The following PLEKHH2 variants were observed in gnomAD, a reference collection of about 807,000 sequenced individuals.
The protein encoded by PLEKHH2 is pleckstrin homology, MyTH4 and FERM domain containing H2.
PLEKHH2 carries 129 observed loss-of-function variants against 187.9 expected under a neutral mutation model. The ratio of observed to expected loss-of-function variants is 0.69; its 90% CI spans 0.59 to 0.79. The LOEUF (loss-of-function observed/expected upper bound fraction) is 0.79. Ranked by LOEUF, PLEKHH2 falls within the 30% of genes least tolerant of loss-of-function variation. PLEKHH2 has a pLI of 0.00. For missense variants in PLEKHH2, 2,076 were observed against 1,751.2 expected (o/e 1.19, Z -3.31); for synonymous variants, 686 against 605.6 (o/e 1.13, Z -1.95).
In PLEKHH2 at chr2:43,700,106, C is replaced by T. The variant is rs149016340; in HGVS notation, c.1148C>T (p.Ser383Leu). 25 of 1,613,954 alleles carry T rather than the reference C, an allele frequency of 1.5e-5. No individual in the cohort carries two copies. Among genetic ancestry groups the T allele is most frequent in the South Asian group, 3.3e-5 (3 of 91,084 alleles). ...ELSKKEQDSS[S>L]DELNKKFQSQ... Reference sequence around the variant, plus strand: ...AGTAAAAAGGAACAAGATAGTTCCTCGGATGAACTGAATAAAAAATTTCAA... The same window carrying T: ...AGTAAAAAGGAACAAGATAGTTCCTTGGATGAACTGAATAAAAAATTTCAA... The change falls in exon 8 of 30, where the codon TCG (serine) becomes TTG (leucine). Residue 383 changes from serine to leucine, a missense_variant. By Grantham distance (145) the Ser-to-Leu change is moderately radical (BLOSUM62 -2). Transcript: ENST00000282406.
In PLEKHH2 at chr2:43,751,543, G is replaced by A. The variant is rs183821794; in HGVS notation, c.3654-2076G>A. 1.2e-4 allele frequency among the ~76,000 whole-genome samples: 19 copies of A among 152,322 alleles called. No homozygotes were observed. In the East Asian group the frequency reaches 2.9e-3, roughly 23 times the overall value. ...CTGAATTTGGAAGCAGTATATTTGCGTAGTGGTACTGGTCCACAGTGACGC... is the reference window on the plus strand; with the variant it reads ...CTGAATTTGGAAGCAGTATATTTGCATAGTGGTACTGGTCCACAGTGACGC... On this transcript the variant is annotated intron_variant, in intron 24 of 29. Coordinates refer to ENST00000282406, the MANE Select transcript of PLEKHH2 (RefSeq NM_172069.4).
intron 2 of PLEKHH2, among the ~76,000 whole-genome samples, chr2:43,647,950 A>G (rs1251091985): frequency 6.6e-6 from 1 of 152,226 alleles, no homozygotes; most frequent in East Asian, 1.9e-4. Context: ...TACTGCAACC[A>G]TCAACTAGTT....
At chr2:43,735,759 A>G (rs1030663180) in intron 19 of PLEKHH2, among the ~76,000 whole-genome samples, 1 of 152,222 alleles carries the variant, frequency 6.6e-6, no homozygotes, top group Admixed American at 6.5e-5. Context: ...TATGACTGAA[A>G]GGGATTTATT....
intron 2 of PLEKHH2, among the ~76,000 whole-genome samples, chr2:43,672,549 G>A (rs1667542657): frequency 6.6e-6 from 1 of 152,092 alleles, no homozygotes; most frequent in African/African-American, 2.4e-5. Flanking sequence ...ATTAGCAGTG[G>A]CATCATCACC....
intron 15 of PLEKHH2, among the ~76,000 whole-genome samples, chr2:43,716,751 G>A (rs187817995): frequency 6.6e-6 from 1 of 152,282 alleles, no homozygotes; most frequent in East Asian, 1.9e-4. Flanking sequence ...TATCTTTCAA[G>A]ATGATATTTG....
At position 43,694,517 on chromosome 2, in the gene PLEKHH2, A is replaced by G. The variant is rs1261319876; in HGVS notation, c.420+3A>G. 6.5e-7 allele frequency: 1 copy of G among 1,542,132 alleles called. No individual in the cohort carries two copies. The highest frequency in any genetic ancestry group is 8.8e-7 in the Non-Finnish European group (1 of 1,137,852). On this transcript the variant is annotated splice_donor_region_variant and intron_variant, in intron 5 of 29. Transcript: ENST00000282406. ...GGGTAACAGTTAAGTTAAATGAGGTATTTATTGCTATATGTTTTCCTTTTC... is the reference window on the plus strand; with the variant it reads ...GGGTAACAGTTAAGTTAAATGAGGTGTTTATTGCTATATGTTTTCCTTTTC...
chr2:43,750,701 A>C (rs1437353117), intron 24 of PLEKHH2, among the ~76,000 whole-genome samples: 1 of 152,154 alleles, frequency 6.6e-6, no homozygotes, highest in Non-Finnish European at 1.5e-5. Context: ...AGCTTTAGAG[A>C]GTTAAGTCAC....
At chr2:43,752,452 A>G (rs2104614269) in intron 24 of PLEKHH2, among the ~76,000 whole-genome samples, 2 of 152,312 alleles carry the variant, frequency 1.3e-5, no homozygotes, top group Middle Eastern at 3.4e-3. Context: ...ATGCTTGCCC[A>G]GAGATTCAGA....
At chr2:43,758,346 G>A (rs778969737) in intron 26 of PLEKHH2, among the ~76,000 whole-genome samples, 7 of 152,152 alleles carry the variant, frequency 4.6e-5, no homozygotes, top group Admixed American at 2.6e-4. Context: ...TCCACCTCCC[G>A]GGTTCAAGTG....
At chr2:43,676,545 C>T (rs934449591) in intron 2 of PLEKHH2, among the ~76,000 whole-genome samples, 2 of 151,914 alleles carry the variant, frequency 1.3e-5, no homozygotes, top group African/African-American at 4.8e-5. Flanking sequence ...ACCAGGAGTT[C>T]TGCACGCCTG....
intron 19 of PLEKHH2, among the ~76,000 whole-genome samples, chr2:43,734,870 G>A (rs1419572258): frequency 1.3e-5 from 2 of 152,172 alleles, no homozygotes; most frequent in East Asian, 1.9e-4. Flanking sequence ...GTAGATGAAT[G>A]GATAATGATG....
intron 9 of PLEKHH2, among the ~76,000 whole-genome samples, chr2:43,705,488 C>A (rs1669615132): frequency 6.6e-6 from 1 of 151,470 alleles, no homozygotes; most frequent in South Asian, 2.1e-4. Flanking sequence ...AAACTCCTGG[C>A]CTTAAGCAAT....
chr2:43,703,913 AGTCTTTT>A (rs2104497142), intron 8 of PLEKHH2, 61 bp from the exon 9 acceptor site: 2 of 777,836 alleles, frequency 2.6e-6, no homozygotes, highest in Non-Finnish European at 4.0e-6. Flanking sequence ...TATTGAAAGT[AGTCTTTT>A]TTTTTTTTTT....
At chr2:43,676,083 A>T (rs1249065464) in intron 2 of PLEKHH2, 2 of 1,613,654 alleles carry the variant, frequency 1.2e-6, no homozygotes, top group African/African-American at 2.7e-5. Context: ...AGTAACTCTC[A>T]TCTTCGGATT....
At chr2:43,638,616 A>T (rs745385391) in intron 1 of PLEKHH2, among the ~76,000 whole-genome samples, 7 of 152,190 alleles carry the variant, frequency 4.6e-5, no homozygotes, top group Non-Finnish European at 8.8e-5. Flanking sequence ...GACATGATAG[A>T]TTCCTTTCAA....
In PLEKHH2 at chr2:43,754,027, G is replaced by T. The variant is rs113375991; in HGVS notation, c.3795+267G>T. ...TCTCTAGGCTTTGTATTTAATAAAG[G>T]AATTGGAGTGTAGAGCTGTGGGCTT... On this transcript the variant is annotated intron_variant, in intron 25 of 29. Coordinates refer to ENST00000282406, the MANE Select transcript of PLEKHH2 (RefSeq NM_172069.4). 7.3e-3 allele frequency among the ~76,000 whole-genome samples: 1,116 copies of T among 152,130 alleles called. 15 individuals are homozygous for T. Among genetic ancestry groups the T allele is most frequent in the African/African-American group, 0.025 (1,050 of 41,476 alleles).
At chr2:43,747,341 A>C (rs1002234508) in intron 24 of PLEKHH2, among the ~76,000 whole-genome samples, 1 of 152,044 alleles carries the variant, frequency 6.6e-6, no homozygotes, top group African/African-American at 2.4e-5. Flanking sequence ...GTGAGGGCAC[A>C]CAACAGTGAG....
intron 17 of PLEKHH2, among the ~76,000 whole-genome samples, chr2:43,728,763 T>C (rs894324517): frequency 6.6e-6 from 1 of 151,960 alleles, no homozygotes; most frequent in South Asian, 2.1e-4. Context: ...CGTTTCACCA[T>C]GTTGGCCAGG....
intron 2 of PLEKHH2, 126 bp from the exon 3 acceptor site, chr2:43,678,737 A>AGGTGGAG (rs1558470842): frequency 1.7e-5 from 7 of 412,304 alleles, no homozygotes; most frequent in Non-Finnish European, 2.8e-5. Flanking sequence ...TAGAGGTGGA[A>AGGTGGAG]GTGGAGGTGG....
Sources: allele counts gnomAD v4.1 joint callset (sites outside exome capture counted in the v4.1 genomes callset), GRCh38; gene constraint gnomAD v4.1.1; transcripts MANE v1.5; gene names NCBI Gene and HGNC (gene_info 2026-07-23, HGNC 2026-07-21).